TTF1: variants seen among roughly 807,000 people sequenced by gnomAD.
TTF1 encodes the protein transcription termination factor 1, also known as transcription termination factor, RNA polymerase I.
A neutral mutation model predicts 80.2 loss-of-function variants in TTF1; 64 were observed. That is an observed-to-expected ratio of 0.80 (90% CI 0.65 to 0.98). The LOEUF is 0.98. TTF1 is among the 50% of genes least tolerant of loss of function. The pLI is 0.00. For missense variants in TTF1, 1,023 were observed against 1,086.2 expected, an observed-to-expected ratio of 0.94 and a Z score of 0.82; for synonymous variants, 372 against 382.7, an observed-to-expected ratio of 0.97 and a Z score of 0.33.
In TTF1 at chr9:132,392,124, C is replaced by T. The variant is rs1564187151; in HGVS notation, c.1939G>A (p.Ala647Thr). Residue 647 changes from alanine (A) to threonine (T), a missense_variant, in exon 6 of 11, where the codon GCC becomes ACC. Physicochemically the swap from Ala to Thr is moderately conservative, Grantham distance 58. Transcript: ENST00000334270. ...AGGGCCACGGAGAGGCTACTTCGGG[C>T]CACCATCTCACCAATCGTCTTCCAG... ...NDWKTIGEMV[A>T]RSSLSVALKF... 1 of 1,614,102 alleles carries T rather than the reference C, an allele frequency of 6.2e-7. No individual in the cohort carries two copies. The highest frequency in any genetic ancestry group is 1.3e-5 in the African/African-American group (1 of 75,026).
rs371763808 is a variant in TTF1, at chr9:132,375,911, G to T, written c.*4C>A. 1.3e-6 allele frequency: 2 copies of T among 1,545,900 alleles called. No individual in the cohort carries two copies. Among genetic ancestry groups the T allele is most frequent in the African/African-American group, 1.4e-5 (1 of 73,572 alleles). ...TTGGTCAGGCCGGTCTCGAACTCCT[G>T]ACCTCAGATGATCCACCGGCCTTGG... On this transcript the variant is annotated 3_prime_UTR_variant, in exon 11 of 11. Transcript: ENST00000334270.
chr9:132,398,778 C>T (rs985661921), intron 3 of TTF1, among the ~76,000 whole-genome samples: 11 of 151,952 alleles, frequency 7.2e-5, no homozygotes, highest in African/African-American at 1.7e-4. Flanking sequence ...TTTTGTAAGA[C>T]GGGGTCTTGC....
chr9:132,392,824 G>A (rs1849584194), intron 5 of TTF1, among the ~76,000 whole-genome samples: 1 of 152,184 alleles, frequency 6.6e-6, no homozygotes, highest in Admixed American at 6.5e-5. Flanking sequence ...TGGACATGTT[G>A]CGTGATGAAA....
rs1849434796 is a variant in TTF1, at chr9:132,384,990, AC to A, written c.2378+1565del. On this transcript the variant is annotated intron_variant, in intron 9 of 10. Coordinates refer to ENST00000334270, the MANE Select transcript of TTF1 (RefSeq NM_007344.4). The surrounding 1 kb of genome is among the most constrained non-coding windows in gnomAD (Gnocchi z 4.1). ...TTAATTCTGGACTACGTAATCTATTACCTATTCCAGAAAAACAGCAAAATCA... is the reference window on the plus strand; with the variant it reads ...TTAATTCTGGACTACGTAATCTATTACTATTCCAGAAAAACAGCAAAATCA... 1.3e-5 allele frequency among the ~76,000 whole-genome samples: 2 copies of A among 152,178 alleles called. No homozygotes were observed. The highest frequency in any genetic ancestry group is 4.1e-4 in the South Asian group (2 of 4,828).
intron 10 of TTF1, among the ~76,000 whole-genome samples, chr9:132,377,954 GTGCATGTGGTGTGTGTGAGTGCA>G (rs1422655147): frequency 7.3e-5 from 10 of 137,172 alleles, no homozygotes; most frequent in Admixed American, 1.5e-4. Flanking sequence ...TGTGGTGTGA[GTGCATGTGGTGTGTGTGAGTGCA>G]TGCATGTGGT....
At chr9:132,399,786 T>G (rs1849725839) in intron 3 of TTF1, among the ~76,000 whole-genome samples, 3 of 152,246 alleles carry the variant, frequency 2.0e-5, no homozygotes, top group African/African-American at 7.2e-5. Flanking sequence ...TTAGTGGGAA[T>G]TAATTATCTG....
chr9:132,405,737 G>C (rs981108124), intron 1 of TTF1, among the ~76,000 whole-genome samples: 1 of 152,170 alleles, frequency 6.6e-6, no homozygotes. Flanking sequence ...GAGATGGACA[G>C]AGGTAAGTCC....
intron 6 of TTF1, among the ~76,000 whole-genome samples, chr9:132,391,191 C>T (rs1353076482): frequency 6.6e-6 from 1 of 152,190 alleles, no homozygotes; most frequent in Non-Finnish European, 1.5e-5. Context: ...ATGTTATGTA[C>T]ATGTCTCTTG....
chr9:132,379,281 G>A (rs1849324938), intron 9 of TTF1, 137 bp from the exon 10 acceptor site: 3 of 521,394 alleles, frequency 5.8e-6, no homozygotes, highest in Non-Finnish European at 9.6e-6. Context: ...ATACATGTGT[G>A]ATACAAATAT....
At chr9:132,381,897 A>G (rs1849377172) in intron 9 of TTF1, among the ~76,000 whole-genome samples, 1 of 152,204 alleles carries the variant, frequency 6.6e-6, no homozygotes, top group South Asian at 2.1e-4. Context: ...TAATGGACCA[A>G]TGGCGACCTC....
intron 1 of TTF1, among the ~76,000 whole-genome samples, chr9:132,403,748 C>A (rs1849810998): frequency 6.6e-6 from 1 of 152,022 alleles, no homozygotes; most frequent in South Asian, 2.1e-4. Flanking sequence ...GTGTTTGTAC[C>A]ATGGAGAAGC....
In TTF1 at chr9:132,384,980, G is replaced by A. The variant is rs1017513227; in HGVS notation, c.2378+1576C>T. Among the ~76,000 whole-genome samples, 6 of 152,120 alleles carry A rather than the reference G, an allele frequency of 3.9e-5. No individual in the cohort carries two copies. In the East Asian group the frequency reaches 5.8e-4, roughly 15 times the overall value. On this transcript the variant is annotated intron_variant, in intron 9 of 10. Transcript: ENST00000334270. The surrounding 1 kb of genome is among the most constrained non-coding windows in gnomAD (Gnocchi z 4.1). ...CTACGTTTCTTTAATTCTGGACTAC[G>A]TAATCTATTACCTATTCCAGAAAAA...
chr9:132,393,734 G>A (rs747747443), intron 5 of TTF1, among the ~76,000 whole-genome samples: 10 of 152,092 alleles, frequency 6.6e-5, no homozygotes, highest in Non-Finnish European at 8.8e-5. Flanking sequence ...CTCCCGGACC[G>A]AGCTGGTCTC....
At chr9:132,392,486 G>A (rs1278291318) in intron 5 of TTF1, among the ~76,000 whole-genome samples, 2 of 152,160 alleles carry the variant, frequency 1.3e-5, no homozygotes, top group South Asian at 4.1e-4. Flanking sequence ...GGTGGAAACG[G>A]CCTTCCTCCA....
At chr9:132,377,876 G>A (rs1423979699) in intron 10 of TTF1, among the ~76,000 whole-genome samples, 1 of 140,984 alleles carries the variant, frequency 7.1e-6, no homozygotes, top group African/African-American at 2.8e-5. Context: ...GTGCATGCAT[G>A]TGGTGTGTGT....
intron 10 of TTF1, among the ~76,000 whole-genome samples, chr9:132,378,540 GTGCATGTGGTGTGTGAA>G (rs1564182297): frequency 2.2e-5 from 3 of 137,144 alleles, no homozygotes; most frequent in Admixed American, 7.2e-5. Flanking sequence ...TGTGGTGTGA[GTGCATGTGGTGTGTGAA>G]TGCATGTGGT....
chr9:132,394,402 C>T (rs909380449), intron 5 of TTF1, among the ~76,000 whole-genome samples: 5 of 152,050 alleles, frequency 3.3e-5, no homozygotes, highest in Admixed American at 1.3e-4. Context: ...GCCTCAGCCT[C>T]CCAAGTAGCT....
chr9:132,392,497 C>T (rs1849577607), intron 5 of TTF1, among the ~76,000 whole-genome samples: 1 of 152,182 alleles, frequency 6.6e-6, no homozygotes, highest in Non-Finnish European at 1.5e-5. Flanking sequence ...CCTTCCTCCA[C>T]CCGACCTGGA....
chr9:132,378,950 C>T, intron 10 of TTF1, 109 bp downstream of exon 10: 1 of 728,002 alleles, frequency 1.4e-6, no homozygotes, highest in Non-Finnish European at 2.2e-6. Flanking sequence ...CATTTTGCAG[C>T]TGATGAAGCT....
Sources: allele counts gnomAD v4.1 joint callset (sites outside exome capture counted in the v4.1 genomes callset), GRCh38; gene constraint gnomAD v4.1.1; non-coding constraint Gnocchi (gnomAD v3.1); transcripts MANE v1.5; gene names NCBI Gene and HGNC (gene_info 2026-07-23, HGNC 2026-07-21).